AFF4: variants seen among roughly 807,000 people sequenced by gnomAD.
AFF4 encodes ALF transcription elongation factor 4.
A neutral mutation model predicts 124.8 loss-of-function variants in AFF4; 13 were observed. That is an observed-to-expected ratio of 0.10 (90% CI 0.07 to 0.17). The LOEUF is 0.17. Ranked by LOEUF, AFF4 falls within the 10% of genes least tolerant of loss-of-function variation. The pLI is 1.00. For missense variants in AFF4, 1,092 were observed against 1,403.8 expected (o/e 0.78, Z 3.55); for synonymous variants, 477 against 496.1 (o/e 0.96, Z 0.51).
chr5:132,960,880 A>G (rs1053693105), intron 1 of AFF4, among the ~76,000 whole-genome samples: 1 of 152,120 alleles, frequency 6.6e-6, no homozygotes, highest in Non-Finnish European at 1.5e-5. Context: ...ACAGGGAAAA[A>G]AAGAAAATTA....
chr5:132,908,290 T>C (rs1760714267), intron 5 of AFF4, among the ~76,000 whole-genome samples: 1 of 152,150 alleles, frequency 6.6e-6, no homozygotes, highest in Admixed American at 6.5e-5. Flanking sequence ...TATTTATGAA[T>C]GACAACAAAA....
intron 20 of AFF4, among the ~76,000 whole-genome samples, chr5:132,882,842 G>A (rs535737906): frequency 1.7e-4 from 17 of 98,852 alleles, no homozygotes; most frequent in South Asian, 3.6e-4. Flanking sequence ...CAACAAAAGC[G>A]AAACTCCATC....
At chr5:132,903,261 C>T (rs1412058735) in intron 6 of AFF4, among the ~76,000 whole-genome samples, 16 of 152,112 alleles carry the variant, frequency 1.1e-4, no homozygotes, top group African/African-American at 3.4e-4. Flanking sequence ...CTGTAAGCTA[C>T]GGCCTTTAAG....
chr5:132,929,480 C>T (rs1261572791), intron 4 of AFF4, among the ~76,000 whole-genome samples: 2 of 152,036 alleles, frequency 1.3e-5, no homozygotes, highest in African/African-American at 4.8e-5. Flanking sequence ...TTTTTATATA[C>T]ATGGCAACTA....
At chr5:132,936,726 AC>A (rs1347552562) in intron 2 of AFF4, among the ~76,000 whole-genome samples, 2 of 152,214 alleles carry the variant, frequency 1.3e-5, no homozygotes, top group Non-Finnish European at 2.9e-5. Context: ...GCCAACTCAG[AC>A]CACATTTTTA....
At chr5:132,959,067 A>G (rs1762022479) in intron 1 of AFF4, among the ~76,000 whole-genome samples, 1 of 152,042 alleles carries the variant, frequency 6.6e-6, no homozygotes, top group Non-Finnish European at 1.5e-5. Flanking sequence ...TTCATTAAGA[A>G]CTCCAAGAGA....
At chr5:132,927,417 G>T (rs1380007542) in intron 4 of AFF4, 1 of 432,970 alleles carries the variant, frequency 2.3e-6, no homozygotes, top group African/African-American at 2.1e-5. Context: ...GCTTTGAGGA[G>T]TTTACAATTC....
At chr5:132,963,222 C>T (rs1180117093) in intron 1 of AFF4, 37 bp downstream of exon 1, 3 of 389,470 alleles carry the variant, frequency 7.7e-6, no homozygotes, top group Non-Finnish European at 1.4e-5. Flanking sequence ...CCCCGCGGCC[C>T]GGCCCGGCCC....
At chr5:132,882,872 A>AAT (rs1561477632) in intron 20 of AFF4, among the ~76,000 whole-genome samples, 2 of 151,062 alleles carry the variant, frequency 1.3e-5, no homozygotes, top group Non-Finnish European at 3.0e-5. Flanking sequence ...AAAAAAAAAA[A>AAT]ATTTCTATTC....
At position 132,887,992 on chromosome 5, in the gene AFF4, G is replaced by A; in HGVS notation, c.2797-10C>T. On this transcript the variant is annotated splice_polypyrimidine_tract_variant and intron_variant, in intron 15 of 20. Coordinates refer to ENST00000265343, the MANE Select transcript of AFF4 (RefSeq NM_014423.4). ...TCTCAAACCTATCAGACTGAAGAAA[G>A]GAGAATGCAAGTAATGAGTAATGAT... 6.2e-7 allele frequency: 1 copy of A among 1,612,928 alleles called. No homozygotes were observed. The highest frequency in any genetic ancestry group is 1.7e-5 in the Admixed American group (1 of 59,848).
In AFF4 at chr5:132,929,956, T is replaced by C. The variant is rs1761262616; in HGVS notation, c.963+2222A>G. ...GAAACGGGAAGAAAGGAATGGATATTTAAAAAGCAAAAATTTTAAAGTCTA... is the reference window on the plus strand; with the variant it reads ...GAAACGGGAAGAAAGGAATGGATATCTAAAAAGCAAAAATTTTAAAGTCTA... On this transcript the variant is annotated intron_variant, in intron 4 of 20. Transcript: ENST00000265343. 2.0e-5 allele frequency among the ~76,000 whole-genome samples: 3 copies of C among 152,112 alleles called. No homozygotes were observed. The South Asian group carries it at 6.2e-4, about 31-fold the overall frequency.
chr5:132,936,907 G>A, intron 2 of AFF4, among the ~76,000 whole-genome samples, 160 bp downstream of exon 2: 1 of 152,226 alleles, frequency 6.6e-6, no homozygotes, highest in East Asian at 1.9e-4. Context: ...CCAAAGAAAA[G>A]TTTATCCCCA....
At position 132,902,309 on chromosome 5, in the gene AFF4, A is replaced by G. The variant is rs539408366; in HGVS notation, c.1133+133T>C. On this transcript the variant is annotated intron_variant, in intron 7 of 20. Coordinates refer to ENST00000265343, the MANE Select transcript of AFF4 (RefSeq NM_014423.4). ...GTGATCTGCCTGCCTTGGCCTCCCAAAGTGCTAGGATTACAGGTGTCAGCC... is the reference window on the plus strand; with the variant it reads ...GTGATCTGCCTGCCTTGGCCTCCCAGAGTGCTAGGATTACAGGTGTCAGCC... 4 of 661,740 alleles carry G rather than the reference A, an allele frequency of 6.0e-6. No homozygotes were observed. In the East Asian group the frequency reaches 1.2e-4, roughly 19 times the overall value. 41.0% of individuals were successfully genotyped at this position (661,740 alleles called of 1,614,324 possible).
intron 5 of AFF4, among the ~76,000 whole-genome samples, chr5:132,904,755 A>AC (rs920533971): frequency 3.3e-5 from 5 of 152,210 alleles, no homozygotes; most frequent in African/African-American, 1.2e-4. Flanking sequence ...AAGACAGTGT[A>AC]CCAGGTGAAG....
At chr5:132,893,007 T>C in intron 12 of AFF4, 23 bp downstream of exon 12, 2 of 1,605,778 alleles carry the variant, frequency 1.2e-6, no homozygotes, top group Non-Finnish European at 1.7e-6. Flanking sequence ...AACACTGGCA[T>C]GCAACATGTT....
chr5:132,920,174 C>T (rs565220254), intron 5 of AFF4, among the ~76,000 whole-genome samples: 2 of 151,944 alleles, frequency 1.3e-5, no homozygotes, highest in East Asian at 1.9e-4. Flanking sequence ...CTCAGTCTCC[C>T]GAGTAGCTGG....
intron 5 of AFF4, among the ~76,000 whole-genome samples, chr5:132,918,803 C>T (rs1760975183): frequency 1.3e-5 from 2 of 152,060 alleles, no homozygotes; most frequent in South Asian, 4.1e-4. Flanking sequence ...GTCAATTCTC[C>T]CCAAATTGAT....
chr5:132,887,692 A>G, intron 16 of AFF4, 100 bp from the exon 17 acceptor site: 1 of 1,515,432 alleles, frequency 6.6e-7, no homozygotes, highest in East Asian at 2.3e-5. Context: ...AACCTAAATA[A>G]AAGCAAAAAT....
chr5:132,948,891 T>G (rs1247782057), intron 1 of AFF4, among the ~76,000 whole-genome samples: 4 of 152,144 alleles, frequency 2.6e-5, no homozygotes, highest in Non-Finnish European at 5.9e-5. Context: ...ATGCAGTACT[T>G]TTTCCTTGAC....
Sources: gnomAD v4.1 joint callset for allele counts (sites outside exome capture counted in the v4.1 genomes callset) on GRCh38, gnomAD v4.1.1 for gene constraint, MANE v1.5 for transcripts, NCBI Gene and HGNC (gene_info 2026-07-23, HGNC 2026-07-21) for gene names.